MDGA2: variants seen among roughly 807,000 people sequenced by gnomAD.
The protein encoded by MDGA2 is MAM domain-containing glycosylphosphatidylinositol anchor protein 2.
In MDGA2, 40 loss-of-function variants were observed where a neutral mutation model predicts 117.8. The observed-to-expected ratio is 0.34, with a 90% CI of 0.26 to 0.44. The LOEUF (loss-of-function observed/expected upper bound fraction) is 0.44. Ranked by LOEUF, MDGA2 falls within the 20% of genes least tolerant of loss-of-function variation. The pLI is 1.00. For synonymous variants in MDGA2, 452 were observed against 439.0 expected (o/e 1.03, Z -0.37); for missense variants, 1,123 against 1,250.6 (o/e 0.90, Z 1.54).
intron 1 of MDGA2, among the ~76,000 whole-genome samples, chr14:47,368,217 G>A (rs1424339224): frequency 2.0e-5 from 3 of 152,200 alleles, no homozygotes; most frequent in South Asian, 2.1e-4. Flanking sequence ...AGAAGCCAGA[G>A]GTTGCAGTGA....
intron 1 of MDGA2, among the ~76,000 whole-genome samples, chr14:47,530,804 T>C (rs1895083224): frequency 6.6e-6 from 1 of 152,180 alleles, no homozygotes; most frequent in South Asian, 2.1e-4. Context: ...TTGAATTTTT[T>C]GCTACTTAGA....
intron 1 of MDGA2, among the ~76,000 whole-genome samples, chr14:47,637,120 C>T (rs558805479): frequency 6.6e-6 from 1 of 152,194 alleles, no homozygotes. Context: ...TTATGAGACC[C>T]GCTATTTTAT....
chr14:46,920,328 A>G (rs1476473600), intron 9 of MDGA2, among the ~76,000 whole-genome samples, 168 bp from the exon 10 acceptor site: 1 of 152,196 alleles, frequency 6.6e-6, no homozygotes, highest in African/African-American at 2.4e-5. Flanking sequence ...TTCCTGGTTG[A>G]TTGGATGGGC....
intron 8 of MDGA2, among the ~76,000 whole-genome samples, chr14:46,995,857 TAAAC>T (rs1027180193): frequency 1.3e-5 from 2 of 152,076 alleles, no homozygotes; most frequent in Non-Finnish European, 2.9e-5. Context: ...TAAAGCAAGT[TAAAC>T]AACAAATTTC....
intron 1 of MDGA2, among the ~76,000 whole-genome samples, chr14:47,386,588 A>ACTATCATAT (rs1891764826): frequency 6.6e-6 from 1 of 152,178 alleles, no homozygotes; most frequent in Non-Finnish European, 1.5e-5. Context: ...TGATTAGTTA[A>ACTATCATAT]GAAGAAGAGT....
At chr14:47,343,617 A>T (rs1056566238) in intron 1 of MDGA2, among the ~76,000 whole-genome samples, 3 of 152,202 alleles carry the variant, frequency 2.0e-5, no homozygotes, top group Non-Finnish European at 1.5e-5. Flanking sequence ...AGGAACAAAG[A>T]TGCCATTTTC....
intron 9 of MDGA2, among the ~76,000 whole-genome samples, chr14:46,944,743 C>A (rs562100131): frequency 6.6e-6 from 1 of 151,932 alleles, no homozygotes; most frequent in African/African-American, 2.4e-5. Context: ...TAGAATTTTT[C>A]TTTCAATTAT....
intron 1 of MDGA2, among the ~76,000 whole-genome samples, chr14:47,477,584 T>C (rs1003098117): frequency 1.3e-5 from 2 of 152,236 alleles, no homozygotes; most frequent in African/African-American, 2.4e-5. Context: ...AAGTAATTAC[T>C]GGTTCTCAAC....
chr14:47,266,465 C>T (rs1887968813), intron 2 of MDGA2, among the ~76,000 whole-genome samples: 1 of 152,156 alleles, frequency 6.6e-6, no homozygotes, highest in African/African-American at 2.4e-5. Context: ...CCTTCTCTTC[C>T]ATCTTGCCAC....
chr14:47,321,991 A>G (rs1889993768), intron 1 of MDGA2, among the ~76,000 whole-genome samples: 1 of 152,176 alleles, frequency 6.6e-6, no homozygotes, highest in African/African-American at 2.4e-5. Context: ...TAGCTAGTTT[A>G]TTTGTCATTA....
Position 47,131,613 on chromosome 14 carries a change from C to A in MDGA2, c.925+101G>T, listed in dbSNP as rs1373242239. 6.4e-6 allele frequency: 6 copies of A among 932,458 alleles called. No individual in the cohort carries two copies. In the African/African-American group the frequency reaches 6.5e-5, roughly 10 times the overall value. The allele number at this position is 932,458 out of a possible 1,614,324, so 57.8% of individuals were successfully genotyped here. Reference sequence around the variant, plus strand: ...CTGGGAATAAAGGTGCTTATTCCTACATACACCGTAGAAATCATTTGGTCT... The same window carrying A: ...CTGGGAATAAAGGTGCTTATTCCTAAATACACCGTAGAAATCATTTGGTCT... On this transcript the variant is annotated intron_variant, in intron 5 of 16. Transcript: ENST00000399232.
chr14:47,057,291 T>A (rs1322283172), intron 7 of MDGA2, among the ~76,000 whole-genome samples: 4 of 152,092 alleles, frequency 2.6e-5, no homozygotes, highest in Non-Finnish European at 5.9e-5. Flanking sequence ...AGAAGTCCGA[T>A]CAAGCTTTAA....
chr14:47,019,169 G>A (rs1195442045), intron 8 of MDGA2, among the ~76,000 whole-genome samples: 1 of 152,092 alleles, frequency 6.6e-6, no homozygotes, highest in Non-Finnish European at 1.5e-5. Context: ...ATGAAAAATA[G>A]TTTCATTACC....
intron 8 of MDGA2, among the ~76,000 whole-genome samples, chr14:46,964,443 C>T (rs1595073607): frequency 6.6e-6 from 1 of 152,196 alleles, no homozygotes; most frequent in South Asian, 2.1e-4. Flanking sequence ...GGAGGCAAAA[C>T]ATTAAGGCAT....
At chr14:47,456,450 G>T (rs1893356081) in intron 1 of MDGA2, among the ~76,000 whole-genome samples, 1 of 146,342 alleles carries the variant, frequency 6.8e-6, no homozygotes, top group African/African-American at 2.5e-5. Context: ...GCACCACCAC[G>T]CCTGGCTAAT....
At chr14:47,234,897 G>A (rs1211425312) in intron 2 of MDGA2, among the ~76,000 whole-genome samples, 3 of 151,956 alleles carry the variant, frequency 2.0e-5, no homozygotes, top group Admixed American at 6.5e-5. Flanking sequence ...AGTCAATTAC[G>A]GTATATTTAC....
intron 1 of MDGA2, among the ~76,000 whole-genome samples, chr14:47,381,489 G>T (rs36144005): frequency 3.3e-5 from 5 of 151,864 alleles, no homozygotes; most frequent in Non-Finnish European, 7.4e-5. Context: ...AATCTCCTTA[G>T]GCTGATAAGC....
intron 1 of MDGA2, among the ~76,000 whole-genome samples, chr14:47,662,265 C>A (rs574148485): frequency 6.6e-6 from 1 of 151,814 alleles, no homozygotes; most frequent in African/African-American, 2.4e-5. Context: ...AATACACATA[C>A]GCACTCTTAT....
chr14:47,644,768 CCT>C (rs937062688), intron 1 of MDGA2, among the ~76,000 whole-genome samples: 1 of 151,778 alleles, frequency 6.6e-6, no homozygotes, highest in African/African-American at 2.4e-5. Context: ...TGCTAAATGC[CCT>C]GATTTGATCA....
Sources: allele counts gnomAD v4.1 joint callset (sites outside exome capture counted in the v4.1 genomes callset), GRCh38; gene constraint gnomAD v4.1.1; transcripts MANE v1.5; gene names NCBI Gene and HGNC (gene_info 2026-07-23, HGNC 2026-07-21).